Variants in ATP8A2 observed in about 807,000 individuals in gnomAD.
ATP8A2 encodes ATPase phospholipid transporting 8A2, also known as phospholipid-transporting ATPase IB.
ATP8A2 carries 100 observed loss-of-function variants against 165.6 expected under a neutral mutation model. The observed-to-expected ratio is 0.60, with a 90% CI of 0.51 to 0.71. The LOEUF (loss-of-function observed/expected upper bound fraction) is 0.71. Ranked by LOEUF, ATP8A2 falls within the 30% of genes least tolerant of loss-of-function variation. The pLI is 0.00. For synonymous variants in ATP8A2, 543 were observed against 548.8 expected, an observed-to-expected ratio of 0.99 and a Z score of 0.15; for missense variants, 1,227 against 1,479.5, an observed-to-expected ratio of 0.83 and a Z score of 2.80.
intron 30 of ATP8A2, among the ~76,000 whole-genome samples, chr13:25,846,039 G>T (rs1313600566): frequency 1.3e-5 from 2 of 152,206 alleles, no homozygotes; most frequent in Non-Finnish European, 2.9e-5. Flanking sequence ...GGCTGGGCTT[G>T]GTGGCGCATG....
chr13:25,685,701 T>C (rs1163448559), intron 24 of ATP8A2, among the ~76,000 whole-genome samples: 3 of 152,136 alleles, frequency 2.0e-5, no homozygotes, highest in Admixed American at 1.3e-4. Flanking sequence ...AGAAAGCTAG[T>C]TGGGGCTCTG....
chr13:25,796,579 G>A (rs538399520), intron 27 of ATP8A2, among the ~76,000 whole-genome samples: 1 of 152,312 alleles, frequency 6.6e-6, no homozygotes, highest in African/African-American at 2.4e-5. Context: ...CCAAACAGGA[G>A]AGAACAGGCC....
chr13:25,668,055 T>C (rs779580764), intron 24 of ATP8A2, among the ~76,000 whole-genome samples: 51 of 152,136 alleles, frequency 3.4e-4, no homozygotes, highest in Admixed American at 7.2e-4. Context: ...TTAAATCACC[T>C]GGGAAAAAGA....
intron 2 of ATP8A2, among the ~76,000 whole-genome samples, chr13:25,526,886 G>A (rs1379904723): frequency 6.6e-6 from 1 of 152,130 alleles, no homozygotes; most frequent in Non-Finnish European, 1.5e-5. Flanking sequence ...CAAGATGATG[G>A]GGAAGCTGCC....
intron 2 of ATP8A2, among the ~76,000 whole-genome samples, chr13:25,492,960 C>G (rs112106436): frequency 8.5e-5 from 13 of 152,156 alleles, no homozygotes; most frequent in African/African-American, 2.7e-4. Flanking sequence ...TCCAGGTTTC[C>G]CTTTGTGCTT....
At chr13:25,380,281 A>G (rs2032789947) in intron 1 of ATP8A2, among the ~76,000 whole-genome samples, 1 of 152,186 alleles carries the variant, frequency 6.6e-6, no homozygotes, top group Non-Finnish European at 1.5e-5. Context: ...TTGCTTGTCT[A>G]ATATTTGTCC....
chr13:25,757,642 A>G (rs947724180), intron 25 of ATP8A2, among the ~76,000 whole-genome samples: 1 of 152,156 alleles, frequency 6.6e-6, no homozygotes, highest in East Asian at 1.9e-4. Flanking sequence ...TATTCGGCTG[A>G]GAAGTGAGTG....
chr13:25,928,123 G>T (rs754218118), intron 33 of ATP8A2, among the ~76,000 whole-genome samples: 1 of 152,222 alleles, frequency 6.6e-6, no homozygotes, highest in African/African-American at 2.4e-5. Context: ...CTCCCCGTCA[G>T]TTGGAAAGTG....
intron 33 of ATP8A2, among the ~76,000 whole-genome samples, chr13:25,914,412 A>G (rs1384557576): frequency 6.6e-6 from 1 of 152,238 alleles, no homozygotes; most frequent in Non-Finnish European, 1.5e-5. Flanking sequence ...CCACCTAAAC[A>G]TCAACATACT....
chr13:25,606,614 T>TAC (rs1329722536), intron 24 of ATP8A2, among the ~76,000 whole-genome samples: 1 of 152,200 alleles, frequency 6.6e-6, no homozygotes, highest in African/African-American at 2.4e-5. Flanking sequence ...ATTTCGTTAT[T>TAC]CAGGTACTTT....
At chr13:25,373,603 G>T (rs915789468) in intron 1 of ATP8A2, among the ~76,000 whole-genome samples, 1 of 152,164 alleles carries the variant, frequency 6.6e-6, no homozygotes, top group African/African-American at 2.4e-5. Context: ...TTATGATTTG[G>T]ATGTGGGGCT....
intron 30 of ATP8A2, among the ~76,000 whole-genome samples, chr13:25,849,392 T>G (rs1165036200): frequency 6.6e-6 from 1 of 152,224 alleles, no homozygotes; most frequent in Non-Finnish European, 1.5e-5. Context: ...TCTGAATACA[T>G]TTTGTGGTTT....
chr13:25,840,338 A>G (rs1951723371), intron 30 of ATP8A2, among the ~76,000 whole-genome samples: 1 of 152,222 alleles, frequency 6.6e-6, no homozygotes, highest in East Asian at 1.9e-4. Flanking sequence ...TGTTGACTAG[A>G]CAAGGCCCTT....
At chr13:25,902,898 C>T (rs1953801607) in intron 33 of ATP8A2, among the ~76,000 whole-genome samples, 1 of 149,846 alleles carries the variant, frequency 6.7e-6, no homozygotes, top group African/African-American at 2.5e-5. Context: ...CCCTGAAAAT[C>T]AACTGTCAAA....
chr13:25,455,199 G>A (rs1319534846), intron 1 of ATP8A2, among the ~76,000 whole-genome samples: 1 of 152,224 alleles, frequency 6.6e-6, no homozygotes, highest in African/African-American at 2.4e-5. Flanking sequence ...GCCTCTGACT[G>A]TCAGCACAGA....
At chr13:25,956,738 T>C (rs1052392012) in intron 33 of ATP8A2, among the ~76,000 whole-genome samples, 1 of 152,152 alleles carries the variant, frequency 6.6e-6, no homozygotes, top group Non-Finnish European at 1.5e-5. Flanking sequence ...CAAGCTACCA[T>C]TGACTTTCTT....
chr13:25,561,032 G>A lies in ATP8A2; in HGVS notation c.1397+1267G>A, dbSNP rs928966106. ...CTCCCGAGTAGCTGGGACTACAGGC[G>A]CCCACCACCACACCCAGCTAATTTT... On this transcript the variant is annotated intron_variant, in intron 15 of 36. Transcript: ENST00000381655. Among the ~76,000 whole-genome samples the A allele has an allele frequency of 4.6e-5, 7 of 151,736 alleles. No individual in the cohort carries two copies. The East Asian group carries it at 9.9e-4, about 21-fold the overall frequency.
chr13:25,784,641 A>T (rs1182418174), intron 27 of ATP8A2, among the ~76,000 whole-genome samples: 3 of 152,098 alleles, frequency 2.0e-5, no homozygotes, highest in Non-Finnish European at 4.4e-5. Context: ...GTAAGAGAAG[A>T]TTTCCTAAGT....
At chr13:25,511,480 G>A (rs1367890740) in intron 2 of ATP8A2, among the ~76,000 whole-genome samples, 2 of 152,120 alleles carry the variant, frequency 1.3e-5, no homozygotes, top group African/African-American at 2.4e-5. Flanking sequence ...GTCAGGGAGT[G>A]GGGTGGGGGG....
Sources: allele counts gnomAD v4.1 joint callset (sites outside exome capture counted in the v4.1 genomes callset), GRCh38; gene constraint gnomAD v4.1.1; transcripts MANE v1.5; gene names NCBI Gene and HGNC (gene_info 2026-07-23, HGNC 2026-07-21).